GLIS3: variants seen among roughly 807,000 people sequenced by gnomAD.
The protein encoded by GLIS3 is GLIS family zinc finger 3, also known as zinc finger protein GLIS3.
Under a neutral mutation model 78.6 loss-of-function variants are expected in GLIS3, and 53 were observed. The ratio of observed to expected loss-of-function variants is 0.67; its 90% CI spans 0.54 to 0.85. The LOEUF (loss-of-function observed/expected upper bound fraction) is 0.85. Ranked by LOEUF, GLIS3 falls within the 40% of genes least tolerant of loss-of-function variation. The pLI is 0.00. For synonymous variants in GLIS3, 684 were observed against 509.9 expected, an observed-to-expected ratio of 1.34 and a Z score of -4.60; for missense variants, 1,703 against 1,231.1, an observed-to-expected ratio of 1.38 and a Z score of -5.74.
intron 2 of GLIS3, among the ~76,000 whole-genome samples, chr9:4,181,819 G>A (rs976281185): frequency 4.6e-5 from 7 of 152,148 alleles, no homozygotes; most frequent in South Asian, 2.1e-4. Flanking sequence ...TGAGACTGAG[G>A]GGTCACACAG....
In GLIS3 at chr9:4,286,054, A is replaced by G; in HGVS notation, c.372T>C (p.Pro124=). ...PKQQEFGSPF[P]PNPGKGALGF... ...CAATCCTACCTTTCCCAGGATTTGGAGGAAAAGGGCTTCCAAACTCCTGCT... is the reference window on the plus strand; with the variant it reads ...CAATCCTACCTTTCCCAGGATTTGGGGGAAAAGGGCTTCCAAACTCCTGCT... The change falls in exon 2 of 11, where the codon CCT becomes CCC. Residue 124 remains proline (P), a synonymous_variant. Transcript: ENST00000381971. 1 of 1,613,880 alleles carries G rather than the reference A, an allele frequency of 6.2e-7. No homozygotes were observed. Among genetic ancestry groups the G allele is most frequent in the South Asian group, 1.1e-5 (1 of 91,054 alleles).
intron 2 of GLIS3, among the ~76,000 whole-genome samples, chr9:4,336,080 G>C (rs1817752071): frequency 1.3e-5 from 2 of 152,114 alleles, no homozygotes; most frequent in South Asian, 4.1e-4. Context: ...TTCCCAATCT[G>C]TTTGTTACCC....
intron 4 of GLIS3, among the ~76,000 whole-genome samples, chr9:3,946,915 C>T (rs182457306): frequency 6.6e-6 from 1 of 151,126 alleles, no homozygotes. Context: ...TCTTTTCGAC[C>T]TTGCCCTGAG....
At chr9:4,111,977 G>A (rs1052876961) in intron 4 of GLIS3, among the ~76,000 whole-genome samples, 24 of 152,194 alleles carry the variant, frequency 1.6e-4, no homozygotes, top group Admixed American at 1.4e-3. Flanking sequence ...CTTCAGAAAT[G>A]TCCATAGTAG....
intron 2 of GLIS3, among the ~76,000 whole-genome samples, chr9:4,208,623 T>C (rs565283708): frequency 1.3e-5 from 2 of 152,216 alleles, no homozygotes; most frequent in African/African-American, 2.4e-5. Context: ...CTCTGTAAAG[T>C]GTGACTGAAA....
chr9:4,135,209 A>G (rs1441481588), intron 2 of GLIS3, among the ~76,000 whole-genome samples: 1 of 152,198 alleles, frequency 6.6e-6, no homozygotes, highest in East Asian at 1.9e-4. Flanking sequence ...ATTTGGGATT[A>G]TCTTTATTGC....
At chr9:4,290,819 G>A (rs888519774) in intron 1 of GLIS3, among the ~76,000 whole-genome samples, 1 of 152,112 alleles carries the variant, frequency 6.6e-6, no homozygotes, top group Non-Finnish European at 1.5e-5. Context: ...ATTTTAACCA[G>A]AGGAAAGTGC....
intron 9 of GLIS3, among the ~76,000 whole-genome samples, chr9:3,832,466 G>A (rs1188909961): frequency 1.3e-5 from 2 of 152,126 alleles, no homozygotes; most frequent in Admixed American, 1.3e-4. Flanking sequence ...ACCTCTTCTT[G>A]CTCATGGCTC....
At chr9:4,113,174 T>A (rs79398429) in intron 4 of GLIS3, among the ~76,000 whole-genome samples, 5 of 152,086 alleles carry the variant, frequency 3.3e-5, no homozygotes, top group African/African-American at 1.2e-4. Flanking sequence ...ATATATGTAA[T>A]ATATATATGC....
At chr9:4,306,687 T>C (rs149649064) in intron 4 of GLIS3, among the ~76,000 whole-genome samples, 1 of 152,354 alleles carries the variant, frequency 6.6e-6, no homozygotes, top group East Asian at 1.9e-4. Flanking sequence ...TGCCCAGGCA[T>C]CTCTGAGTCT....
chr9:3,877,091 A>G (rs1821366136), intron 8 of GLIS3, among the ~76,000 whole-genome samples: 1 of 152,174 alleles, frequency 6.6e-6, no homozygotes, highest in Non-Finnish European at 1.5e-5. Context: ...ACTATAGATA[A>G]GGAGGTGCAG....
At chr9:4,267,683 T>A (rs371470865) in intron 2 of GLIS3, among the ~76,000 whole-genome samples, 2 of 152,156 alleles carry the variant, frequency 1.3e-5, no homozygotes, top group Non-Finnish European at 2.9e-5. Context: ...GTGACCAGGA[T>A]CCTCACAAAT....
At chr9:4,011,548 C>A (rs1822012694) in intron 4 of GLIS3, among the ~76,000 whole-genome samples, 1 of 152,194 alleles carries the variant, frequency 6.6e-6, no homozygotes, top group Admixed American at 6.5e-5. Flanking sequence ...AGCCCATTCA[C>A]AAAGGGTCTA....
At chr9:3,970,470 T>A (rs1818298564) in intron 4 of GLIS3, among the ~76,000 whole-genome samples, 2 of 152,150 alleles carry the variant, frequency 1.3e-5, no homozygotes, top group South Asian at 4.2e-4. Context: ...TAGAAGAAAT[T>A]TTTATTTTGT....
At chr9:4,063,211 TCTTA>T (rs1162223532) in intron 4 of GLIS3, among the ~76,000 whole-genome samples, 3 of 152,226 alleles carry the variant, frequency 2.0e-5, no homozygotes, top group African/African-American at 4.8e-5. Flanking sequence ...ATGTGTCCTT[TCTTA>T]CTTATTACTC....
intron 2 of GLIS3, among the ~76,000 whole-genome samples, chr9:4,241,836 C>T (rs918423527): frequency 2.0e-5 from 3 of 152,066 alleles, no homozygotes; most frequent in Non-Finnish European, 4.4e-5. Context: ...GCACGTACCA[C>T]CATGCCCAGC....
chr9:3,979,260 T>C (rs1035349630), intron 4 of GLIS3, among the ~76,000 whole-genome samples: 1 of 152,198 alleles, frequency 6.6e-6, no homozygotes, highest in Admixed American at 6.5e-5. Context: ...GCAATGCTAT[T>C]CATCACTCCC....
intron 2 of GLIS3, among the ~76,000 whole-genome samples, chr9:4,127,203 AT>A (rs1376366926): frequency 6.6e-6 from 1 of 152,202 alleles, no homozygotes; most frequent in Non-Finnish European, 1.5e-5. Flanking sequence ...GGACACTAAA[AT>A]CCAAGTGGTA....
In GLIS3 at chr9:4,294,693, AT is replaced by A. The variant is rs1816328792; in HGVS notation, c.-99+4727del. ...GTTTCACTTTCCTGTCTAAATTCTA[AT>A]TTTATTAAGTTTTGGGGTCATAGCT... On this transcript the variant is annotated intron_variant, in intron 1 of 10. Coordinates refer to ENST00000381971, the MANE Select transcript of GLIS3 (RefSeq NM_001042413.2). Among the ~76,000 whole-genome samples, 3 of 136,442 alleles carry A rather than the reference AT, an allele frequency of 2.2e-5. No homozygotes were observed. In the Admixed American group the frequency reaches 2.2e-4, roughly 10 times the overall value. The allele number at this position is 136,442 out of a possible 152,430, so 89.5% of individuals were successfully genotyped here. A position where few individuals can be genotyped will look rare whatever the true frequency, so the allele number is the denominator to read the frequency against.
Sources: allele counts gnomAD v4.1 joint callset (sites outside exome capture counted in the v4.1 genomes callset), GRCh38; gene constraint gnomAD v4.1.1; transcripts MANE v1.5; gene names NCBI Gene and HGNC (gene_info 2026-07-23, HGNC 2026-07-21).